The following WWTR1 variants were observed in gnomAD, a reference collection of about 807,000 sequenced individuals.
WWTR1 encodes WW domain containing transcription regulator 1.
In WWTR1, 13 loss-of-function variants were observed where a neutral mutation model predicts 40.1. The observed-to-expected ratio is 0.32, with a 90% CI of 0.21 to 0.52. WWTR1 has a LOEUF of 0.52. WWTR1 is among the 20% of genes least tolerant of loss of function. The probability of loss-of-function intolerance (pLI) is 0.97; values close to 1 mark genes in which losing one functional copy is unlikely to be tolerated. For missense variants in WWTR1, 436 were observed against 523.1 expected (o/e 0.83, Z 1.63); for synonymous variants, 230 against 210.1 (o/e 1.09, Z -0.82).
At chr3:149,611,822 A>G (rs1739748345) in intron 2 of WWTR1, among the ~76,000 whole-genome samples, 2 of 152,200 alleles carry the variant, frequency 1.3e-5, no homozygotes, top group South Asian at 4.1e-4. Flanking sequence ...CTTCCTTCAC[A>G]TTTATGGCTA....
chr3:149,608,221 A>G (rs746252074), intron 2 of WWTR1, among the ~76,000 whole-genome samples: 2 of 152,052 alleles, frequency 1.3e-5, no homozygotes, highest in East Asian at 3.9e-4. Flanking sequence ...AGACTGCACA[A>G]AATAGAAAAA....
chr3:149,598,907 G>A (rs1422110916), intron 2 of WWTR1, among the ~76,000 whole-genome samples: 1 of 151,986 alleles, frequency 6.6e-6, no homozygotes, highest in Non-Finnish European at 1.5e-5. Flanking sequence ...ATTTTTTTTA[G>A]AGTGAAAAAA....
At chr3:149,622,542 A>G (rs1740357088) in intron 2 of WWTR1, among the ~76,000 whole-genome samples, 1 of 149,486 alleles carries the variant, frequency 6.7e-6, no homozygotes, top group African/African-American at 2.5e-5. Flanking sequence ...AGAAAGAAAG[A>G]AAAAGAAAGC....
Position 149,526,020 on chromosome 3 carries a change from C to T in WWTR1, c.1011G>A (p.Met337Ile), listed in dbSNP as rs1735287852. 6.3e-7 allele frequency: 1 copy of T among 1,596,166 alleles called. No homozygotes were observed. The highest frequency in any genetic ancestry group is 8.5e-7 in the Non-Finnish European group (1 of 1,170,880). ...TGCAGGCTTTGCTCCTACCTGTATC[C>T]ATCTCATCCACATTGCTGAGGAAGT... ...PEDFLSNVDE[M>I]DTGENAGQTP... is the part of the protein sequence containing the mutation. The change falls in exon 6 of 7, where the codon ATG becomes ATA. Residue 337 changes from methionine to isoleucine, a missense_variant. Physicochemically the swap from Met to Ile is conservative, Grantham distance 10. Coordinates refer to ENST00000360632, the MANE Select transcript of WWTR1 (RefSeq NM_015472.6).
intron 5 of WWTR1, 84 bp downstream of exon 5, chr3:149,527,752 T>C: frequency 6.3e-7 from 1 of 1,591,568 alleles, no homozygotes; most frequent in African/African-American, 1.3e-5. Context: ...CCCCACCTCT[T>C]CCCAATGTAA....
At chr3:149,584,127 A>G (rs912119408) in intron 2 of WWTR1, among the ~76,000 whole-genome samples, 1 of 152,214 alleles carries the variant, frequency 6.6e-6, no homozygotes, top group African/African-American at 2.4e-5. Context: ...TAAATGGGAC[A>G]CTGACCCAGT....
intron 2 of WWTR1, among the ~76,000 whole-genome samples, chr3:149,588,736 C>G (rs1161970874): frequency 6.6e-6 from 1 of 152,214 alleles, no homozygotes; most frequent in South Asian, 2.1e-4. Flanking sequence ...TATCCTCCCC[C>G]CAAAATGAAC....
At chr3:149,689,155 G>A (rs776856858) in intron 1 of WWTR1, among the ~76,000 whole-genome samples, 3 of 152,074 alleles carry the variant, frequency 2.0e-5, no homozygotes, top group Non-Finnish European at 4.4e-5. Flanking sequence ...GCTGAGGTGG[G>A]TGGATCACTT....
intron 3 of WWTR1, among the ~76,000 whole-genome samples, chr3:149,548,064 G>T (rs1736446472): frequency 1.0e-5 from 1 of 97,246 alleles, no homozygotes. Flanking sequence ...ATGGGGCGGG[G>T]GGTGGGGTTA....
chr3:149,694,250 T>C (rs1434913639), intron 1 of WWTR1, among the ~76,000 whole-genome samples: 2 of 151,980 alleles, frequency 1.3e-5, no homozygotes, highest in Non-Finnish European at 2.9e-5. Context: ...AAAAATTAGC[T>C]GGGCATGGTG....
intron 3 of WWTR1, among the ~76,000 whole-genome samples, chr3:149,554,571 C>T (rs1277141567): frequency 1.3e-5 from 2 of 152,036 alleles, no homozygotes; most frequent in African/African-American, 4.8e-5. Flanking sequence ...ACTGCATTAC[C>T]CCAAATGTAT....
intron 5 of WWTR1, among the ~76,000 whole-genome samples, chr3:149,710,519 G>A (rs780625852): frequency 7.1e-6 from 1 of 140,860 alleles, no homozygotes; most frequent in Non-Finnish European, 1.5e-5. Flanking sequence ...TGTGAAATTA[G>A]ATAAATTGAT....
chr3:149,678,822 A>T (rs936035412), intron 1 of WWTR1, among the ~76,000 whole-genome samples: 5 of 135,548 alleles, frequency 3.7e-5, no homozygotes, highest in African/African-American at 5.4e-5. Flanking sequence ...GTTCACAAGT[A>T]TTTTTTTTTT....
chr3:149,691,403 A>T (rs2108213508), intron 1 of WWTR1, among the ~76,000 whole-genome samples: 2 of 152,026 alleles, frequency 1.3e-5, no homozygotes, highest in South Asian at 4.1e-4. Context: ...AGATAAAATC[A>T]ACAAACCTTT....
intron 2 of WWTR1, among the ~76,000 whole-genome samples, chr3:149,602,935 T>A (rs1490586161): frequency 6.6e-6 from 1 of 152,006 alleles, no homozygotes; most frequent in East Asian, 1.9e-4. Flanking sequence ...GCTGAGATGA[T>A]AGGCATGAGC....
At chr3:149,714,757 C>T (rs1249399731) in intron 5 of WWTR1, among the ~76,000 whole-genome samples, 1 of 152,238 alleles carries the variant, frequency 6.6e-6, no homozygotes, top group Admixed American at 6.5e-5. Context: ...GCTGGGCTGC[C>T]AGTCCCACGG....
Position 149,618,749 on chromosome 3 carries a change from C to T in WWTR1, c.431+38127G>A, listed in dbSNP as rs527940992. 2.0e-5 allele frequency among the ~76,000 whole-genome samples: 3 copies of T among 152,330 alleles called. No homozygotes were observed. The South Asian group carries it at 6.2e-4, about 32-fold the overall frequency. On this transcript the variant is annotated intron_variant, in intron 2 of 6. Transcript: ENST00000360632. ...ACAGCTCTATTTAGACATAAAGTCT[C>T]TGTGCCTTGCATTATACTAGGCTGC...
intron 3 of WWTR1, among the ~76,000 whole-genome samples, chr3:149,568,548 A>ACC (rs1248235618): frequency 7.3e-6 from 1 of 136,240 alleles, no homozygotes; most frequent in Non-Finnish European, 1.6e-5. Context: ...AAAAAAAAAA[A>ACC]AAAAAAAAAA....
chr3:149,567,112 T>C (rs904435338), intron 3 of WWTR1, among the ~76,000 whole-genome samples: 1 of 151,860 alleles, frequency 6.6e-6, no homozygotes, highest in African/African-American at 2.4e-5. Context: ...CAGGGTCTCA[T>C]TCCAACAAAA....
Sources: gnomAD v4.1 joint callset for allele counts (sites outside exome capture counted in the v4.1 genomes callset) on GRCh38, gnomAD v4.1.1 for gene constraint, MANE v1.5 for transcripts, NCBI Gene and HGNC (gene_info 2026-07-23, HGNC 2026-07-21) for gene names.